GRID2: variants seen among roughly 807,000 people sequenced by gnomAD.
GRID2 encodes the protein glutamate receptor ionotropic, delta-2.
Under a neutral mutation model 114.8 loss-of-function variants are expected in GRID2, and 33 were observed. The observed-to-expected ratio is 0.29, with a 90% CI of 0.22 to 0.38. GRID2 has a LOEUF of 0.38. Among genes scored for constraint, GRID2 ranks in the 10% least tolerant of loss-of-function variants. The pLI is 1.00. For synonymous variants in GRID2, 505 were observed against 449.9 expected (o/e 1.12, Z -1.55); for missense variants, 1,184 against 1,257.7 (o/e 0.94, Z 0.89).
At chr4:93,150,703 C>A (rs1056790004) in intron 4 of GRID2, among the ~76,000 whole-genome samples, 1 of 151,892 alleles carries the variant, frequency 6.6e-6, no homozygotes, top group African/African-American at 2.4e-5. Flanking sequence ...GCTCCCTTGT[C>A]CCTATTTGAG....
chr4:92,307,772 G>C (rs1725483349), intron 1 of GRID2, among the ~76,000 whole-genome samples: 1 of 152,046 alleles, frequency 6.6e-6, no homozygotes, highest in Non-Finnish European at 1.5e-5. Context: ...TCCACACACA[G>C]ATACACAACC....
intron 11 of GRID2, among the ~76,000 whole-genome samples, chr4:93,463,799 C>G (rs1026955776): frequency 2.0e-5 from 3 of 151,992 alleles, no homozygotes; most frequent in Non-Finnish European, 2.9e-5. Context: ...ACCATCCTGG[C>G]TAACATGGTG....
intron 8 of GRID2, among the ~76,000 whole-genome samples, chr4:93,252,425 A>C (rs544848345): frequency 7.3e-6 from 1 of 136,246 alleles, no homozygotes; most frequent in African/African-American, 2.8e-5. Flanking sequence ...GCATTGGTCT[A>C]TGTATCTGTT....
chr4:93,362,114 T>G (rs1010139438), intron 8 of GRID2, among the ~76,000 whole-genome samples: 7 of 152,282 alleles, frequency 4.6e-5, no homozygotes, highest in Admixed American at 2.6e-4. Flanking sequence ...ACCACAGGTT[T>G]CCAATCTTCT....
Position 93,109,064 on chromosome 4 carries a change from T to C in GRID2, c.530-1684T>C, listed in dbSNP as rs188125790. On this transcript the variant is annotated intron_variant, in intron 3 of 15. Transcript: ENST00000282020. Reference sequence around the variant, plus strand: ...CTTAGTATGTACATAGTCTTGTTATTGTACCTCTACCAGTGTCAACCAAAG... The same window carrying C: ...CTTAGTATGTACATAGTCTTGTTATCGTACCTCTACCAGTGTCAACCAAAG... Among the ~76,000 whole-genome samples, 754 of 152,364 alleles carry C rather than the reference T, an allele frequency of 4.9e-3. 12 individuals are homozygous for C. The highest frequency in any genetic ancestry group is 0.017 in the African/African-American group (722 of 41,590).
chr4:92,606,451 C>T (rs1258736043), intron 2 of GRID2, among the ~76,000 whole-genome samples: 1 of 151,916 alleles, frequency 6.6e-6, no homozygotes, highest in African/African-American at 2.4e-5. Flanking sequence ...GAGGTTCAGG[C>T]ATGTTTCAGT....
chr4:92,433,114 T>C (rs964117082), intron 1 of GRID2, among the ~76,000 whole-genome samples: 9 of 152,206 alleles, frequency 5.9e-5, no homozygotes, highest in Admixed American at 3.9e-4. Context: ...TGAGCTGGTA[T>C]CCAAGTTCCA....
chr4:93,013,623 C>T (rs1462421438), intron 2 of GRID2, among the ~76,000 whole-genome samples: 2 of 151,928 alleles, frequency 1.3e-5, no homozygotes, highest in East Asian at 1.9e-4. Flanking sequence ...TTTTAGTATA[C>T]ATGTATGTAT....
intron 2 of GRID2, among the ~76,000 whole-genome samples, chr4:92,594,583 C>T (rs1194253107): frequency 6.6e-6 from 1 of 151,836 alleles, no homozygotes; most frequent in African/African-American, 2.4e-5. Context: ...ATAGATTAAA[C>T]AGATATAGGG....
At chr4:93,491,002 T>A (rs1285335596) in intron 12 of GRID2, among the ~76,000 whole-genome samples, 2 of 151,950 alleles carry the variant, frequency 1.3e-5, no homozygotes, top group Non-Finnish European at 2.9e-5. Context: ...ATGATTTCAA[T>A]GTTGCTTCCC....
At chr4:92,604,144 A>C (rs553439355) in intron 2 of GRID2, among the ~76,000 whole-genome samples, 49 of 152,214 alleles carry the variant, frequency 3.2e-4, no homozygotes, top group African/African-American at 1.2e-3. Flanking sequence ...TCCTCAAAGA[A>C]CTAAAACCAG....
intron 2 of GRID2, among the ~76,000 whole-genome samples, chr4:92,934,151 C>G (rs1306308889): frequency 6.6e-6 from 1 of 151,738 alleles, no homozygotes; most frequent in Non-Finnish European, 1.5e-5. Context: ...AATATTGATT[C>G]TTCCTACCCA....
At chr4:93,755,990 A>G (rs980575494) in intron 14 of GRID2, among the ~76,000 whole-genome samples, 1 of 152,222 alleles carries the variant, frequency 6.6e-6, no homozygotes, top group African/African-American at 2.4e-5. Context: ...AGTAAATAAT[A>G]AAATTTGGTA....
intron 1 of GRID2, among the ~76,000 whole-genome samples, chr4:92,530,102 A>G (rs1725256272): frequency 6.6e-6 from 1 of 151,764 alleles, no homozygotes; most frequent in Non-Finnish European, 1.5e-5. Context: ...ACTTTACTCT[A>G]GGTACTGATT....
chr4:93,385,080 A>G lies in GRID2; in HGVS notation c.1246-10527A>G, dbSNP rs1205474861. On this transcript the variant is annotated intron_variant, in intron 8 of 15. Coordinates refer to ENST00000282020, the MANE Select transcript of GRID2 (RefSeq NM_001510.4). ...AGTTGATAAAAATACTCAGAGGCATACTTCCTCATCTGATGATTCATAGTT... is the reference window on the plus strand; with the variant it reads ...AGTTGATAAAAATACTCAGAGGCATGCTTCCTCATCTGATGATTCATAGTT... 2.6e-5 allele frequency among the ~76,000 whole-genome samples: 4 copies of G among 152,204 alleles called. No individual in the cohort carries two copies. In the East Asian group the frequency reaches 7.7e-4, roughly 29 times the overall value.
chr4:92,527,685 T>C (rs1035539451), intron 1 of GRID2, among the ~76,000 whole-genome samples: 1 of 152,002 alleles, frequency 6.6e-6, no homozygotes, highest in Non-Finnish European at 1.5e-5. Flanking sequence ...TTTTTCTCAC[T>C]TAGTGTGTTA....
chr4:93,141,711 G>A (rs1735784694), intron 4 of GRID2, among the ~76,000 whole-genome samples: 1 of 152,168 alleles, frequency 6.6e-6, no homozygotes, highest in African/African-American at 2.4e-5. Flanking sequence ...CCTGACACTG[G>A]ACACATTTAA....
intron 1 of GRID2, among the ~76,000 whole-genome samples, chr4:92,312,618 T>C (rs1039862190): frequency 1.4e-5 from 2 of 145,652 alleles, no homozygotes; most frequent in Non-Finnish European, 3.0e-5. Context: ...AAAATGTGCA[T>C]TTATTAAATT....
intron 1 of GRID2, among the ~76,000 whole-genome samples, chr4:92,572,664 C>T (rs1394896989): frequency 6.6e-6 from 1 of 152,030 alleles, no homozygotes; most frequent in Non-Finnish European, 1.5e-5. Context: ...TTGAACCATC[C>T]TTGCATCCTA....
Sources: allele counts gnomAD v4.1 joint callset (sites outside exome capture counted in the v4.1 genomes callset), GRCh38; gene constraint gnomAD v4.1.1; transcripts MANE v1.5; gene names NCBI Gene and HGNC (gene_info 2026-07-23, HGNC 2026-07-21).